The following GRK5 variants were observed in gnomAD, a reference collection of about 807,000 sequenced individuals.
The protein encoded by GRK5 is g protein-coupled receptor kinase GRK5.
GRK5 carries 40 observed loss-of-function variants against 78.4 expected under a neutral mutation model. The observed-to-expected ratio is 0.51, with a 90% CI of 0.40 to 0.66. The LOEUF is 0.66. GRK5 is among the 30% of genes least tolerant of loss of function. GRK5 has a pLI of 0.00. For synonymous variants in GRK5, 289 were observed against 296.8 expected (o/e 0.97, Z 0.27); for missense variants, 598 against 759.9 (o/e 0.79, Z 2.50).
intron 1 of GRK5, among the ~76,000 whole-genome samples, chr10:119,225,462 C>T (rs557064427): frequency 1.8e-4 from 28 of 152,188 alleles, no homozygotes; most frequent in Admixed American, 1.8e-3. Flanking sequence ...GGCTTGTTGT[C>T]GGGGACACTG....
intron 1 of GRK5, among the ~76,000 whole-genome samples, chr10:119,274,653 ACTGTTGCCCACAG>A (rs533432992): frequency 1.4e-3 from 215 of 152,180 alleles, no homozygotes; most frequent in Non-Finnish European, 2.4e-3. Flanking sequence ...CTCCCTCTAG[ACTGTTGCCCACAG>A]CTGGAGGCAA....
At chr10:119,297,432 G>A (rs1016902791) in intron 1 of GRK5, among the ~76,000 whole-genome samples, 1 of 152,198 alleles carries the variant, frequency 6.6e-6, no homozygotes, top group Non-Finnish European at 1.5e-5. Flanking sequence ...GAGGTCAGAT[G>A]TCTCTCCCAT....
chr10:119,312,622 G>A (rs967789014), intron 1 of GRK5, among the ~76,000 whole-genome samples: 7 of 152,194 alleles, frequency 4.6e-5, no homozygotes, highest in African/African-American at 1.7e-4. Context: ...AGTGTGGCTG[G>A]AATGGAGTGA....
At position 119,394,518 on chromosome 10, in the gene GRK5, G is replaced by T. The variant is rs1226198262; in HGVS notation, c.262-2177G>T. On this transcript the variant is annotated intron_variant, in intron 3 of 15. Coordinates refer to ENST00000392870, the MANE Select transcript of GRK5 (RefSeq NM_005308.3). The stretch of plus-strand genomic sequence containing the variant: ...GCGTGTCTGTGGGCACGTGTGTGTG[G>T]GTGTGTGTGGGTGTGTATCTGTGTG... 9.8e-4 allele frequency among the ~76,000 whole-genome samples: 11 copies of T among 11,186 alleles called. 1 individual carries two copies. Among genetic ancestry groups the T allele is most frequent in the Non-Finnish European group, 1.2e-3 (7 of 5,810 alleles). 7.3% of individuals were successfully genotyped at this position (11,186 alleles called of 152,430 possible).
At chr10:119,276,266 C>T (rs556402373) in intron 1 of GRK5, among the ~76,000 whole-genome samples, 6 of 152,078 alleles carry the variant, frequency 3.9e-5, no homozygotes, top group Non-Finnish European at 5.9e-5. Context: ...ATCCCTCCCC[C>T]CTCCTCCCAC....
chr10:119,422,247 C>T (rs921329758), intron 4 of GRK5, among the ~76,000 whole-genome samples: 12 of 152,116 alleles, frequency 7.9e-5, no homozygotes, highest in Admixed American at 3.9e-4. Flanking sequence ...CTTCCAGATG[C>T]GGCCGCCACT....
rs187995758 is a variant in GRK5, at chr10:119,253,589, G to A, written c.52+45620G>A. ...ACGGCTGGAACCAGGGCTTCAGCCCGGCGCACACCCAGCTCGTTTGGAGGT... is the reference window on the plus strand; with the variant it reads ...ACGGCTGGAACCAGGGCTTCAGCCCAGCGCACACCCAGCTCGTTTGGAGGT... On this transcript the variant is annotated intron_variant, in intron 1 of 15. Coordinates refer to ENST00000392870, the MANE Select transcript of GRK5 (RefSeq NM_005308.3). This position sits in a 1 kb window ranked among gnomAD's most constrained non-coding sequence, Gnocchi z 5.7. Among the ~76,000 whole-genome samples the A allele has an allele frequency of 3.0e-4, 46 of 152,326 alleles. No individual in the cohort carries two copies. The highest frequency in any genetic ancestry group is 5.7e-4 in the Non-Finnish European group (39 of 68,028).
chr10:119,425,813 C>T (rs114727202), intron 6 of GRK5, among the ~76,000 whole-genome samples: 1,572 of 152,368 alleles, frequency 0.01, 27 homozygotes, highest in African/African-American at 0.036. Flanking sequence ...CTCGCCCATG[C>T]GTGGCTGTGA....
At chr10:119,348,946 G>A (rs575337533) in intron 2 of GRK5, among the ~76,000 whole-genome samples, 15 of 152,344 alleles carry the variant, frequency 9.8e-5, no homozygotes, top group South Asian at 8.3e-4. Flanking sequence ...CAGGAGGGCC[G>A]CTCTTGAAGT....
chr10:119,405,628 G>A (rs73435067), intron 4 of GRK5, among the ~76,000 whole-genome samples: 1,495 of 137,608 alleles, frequency 0.011, 20 homozygotes, highest in African/African-American at 0.039. Flanking sequence ...ACGGCTCCTC[G>A]GCCTCTGGCA....
intron 1 of GRK5, among the ~76,000 whole-genome samples, chr10:119,311,459 G>A (rs1239744818): frequency 6.6e-6 from 1 of 152,086 alleles, no homozygotes; most frequent in Non-Finnish European, 1.5e-5. Flanking sequence ...CCTGAGATGG[G>A]GGCAGTGGGT....
At chr10:119,249,472 T>C (rs1269892981) in intron 1 of GRK5, among the ~76,000 whole-genome samples, 3 of 152,188 alleles carry the variant, frequency 2.0e-5, no homozygotes, top group African/African-American at 7.2e-5. Flanking sequence ...ATGAATTGTG[T>C]GTAAACACTT....
At chr10:119,441,601 A>C (rs939432598) in intron 10 of GRK5, among the ~76,000 whole-genome samples, 2 of 152,184 alleles carry the variant, frequency 1.3e-5, no homozygotes, top group Non-Finnish European at 2.9e-5. Context: ...ATCGTTTTAT[A>C]ATTTTTTCCC....
chr10:119,241,748 C>A (rs1333891938), intron 1 of GRK5, among the ~76,000 whole-genome samples: 1 of 152,144 alleles, frequency 6.6e-6, no homozygotes, highest in African/African-American at 2.4e-5. Context: ...GGAGGAAGAG[C>A]CGTTTTCCTC....
rs1339240172 is a variant in GRK5 at position 119,431,913 on chromosome 10, A to G, written c.738+386A>G. The stretch of plus-strand genomic sequence containing the variant: ...TCGTGGTGGGGACCTTAGTGCCAGC[A>G]TCCTGGAATGGCACTATCAAGTCTG... On this transcript the variant is annotated intron_variant, in intron 8 of 15. Coordinates refer to ENST00000392870, the MANE Select transcript of GRK5 (RefSeq NM_005308.3). The surrounding 1 kb of genome is among the most constrained non-coding windows in gnomAD (Gnocchi z 4.8). Among the ~76,000 whole-genome samples the G allele has an allele frequency of 6.6e-6, 1 of 152,236 alleles. No individual in the cohort carries two copies. Among genetic ancestry groups the G allele is most frequent in the Non-Finnish European group, 1.5e-5 (1 of 68,042 alleles).
intron 2 of GRK5, among the ~76,000 whole-genome samples, chr10:119,343,090 G>A (rs1564898328): frequency 6.6e-6 from 1 of 152,220 alleles, no homozygotes; most frequent in Non-Finnish European, 1.5e-5. Flanking sequence ...TTAGGAAGCT[G>A]TCTCTAGTTG....
chr10:119,294,015 G>A (rs1850033482), intron 1 of GRK5, among the ~76,000 whole-genome samples: 1 of 152,058 alleles, frequency 6.6e-6, no homozygotes, highest in Admixed American at 6.5e-5. Flanking sequence ...TGGAGTTGGG[G>A]AAAAACAGAG....
Position 119,217,477 on chromosome 10 carries a change from C to T in GRK5, c.52+9508C>T, listed in dbSNP as rs557636689. 6.6e-6 allele frequency among the ~76,000 whole-genome samples: 1 copy of T among 152,318 alleles called. No individual in the cohort carries two copies. Among genetic ancestry groups the T allele is most frequent in the East Asian group, 1.9e-4 (1 of 5,190 alleles). ...ATGTGGTATGATCGCCTGTGGAGGC[C>T]CATTACCTGTACTCTCTCGCTGCCT... On this transcript the variant is annotated intron_variant, in intron 1 of 15. Coordinates refer to ENST00000392870, the MANE Select transcript of GRK5 (RefSeq NM_005308.3). The surrounding 1 kb of genome is among the most constrained non-coding windows in gnomAD (Gnocchi z 4.1).
chr10:119,408,419 A>G (rs1852281034), intron 4 of GRK5, among the ~76,000 whole-genome samples: 1 of 151,868 alleles, frequency 6.6e-6, no homozygotes, highest in Non-Finnish European at 1.5e-5. Context: ...TAGCAGCATT[A>G]TCACAATGGC....
Sources: gnomAD v4.1 joint callset for allele counts (sites outside exome capture counted in the v4.1 genomes callset) on GRCh38, gnomAD v4.1.1 for gene constraint, Gnocchi (gnomAD v3.1) non-coding constraint, MANE v1.5 for transcripts, NCBI Gene and HGNC (gene_info 2026-07-23, HGNC 2026-07-21) for gene names.